The following COMMD10 variants were observed in gnomAD, a reference collection of about 807,000 sequenced individuals.
COMMD10 encodes COMM domain-containing protein 10.
Under a neutral mutation model 28.9 loss-of-function variants are expected in COMMD10, and 33 were observed. The observed-to-expected ratio is 1.14, with a 90% CI of 0.87 to 1.53. The LOEUF (loss-of-function observed/expected upper bound fraction) is 1.53. Ranked by LOEUF, COMMD10 falls within the 40% of genes most tolerant of loss-of-function variation. The probability of loss-of-function intolerance (pLI) is 0.00; values close to 1 mark genes in which losing one functional copy is unlikely to be tolerated. For missense variants in COMMD10, 310 were observed against 233.4 expected (o/e 1.33, Z -2.14); for synonymous variants, 110 against 81.7 (o/e 1.35, Z -1.87).
At chr5:116,177,612 A>G (rs999342626) in intron 5 of COMMD10, among the ~76,000 whole-genome samples, 2 of 150,364 alleles carry the variant, frequency 1.3e-5, no homozygotes, top group Non-Finnish European at 3.0e-5. Flanking sequence ...CCACTTTCCC[A>G]TAGTCATCCT....
At chr5:116,122,547 A>G (rs751509321) in intron 4 of COMMD10, among the ~76,000 whole-genome samples, 9 of 152,220 alleles carry the variant, frequency 5.9e-5, no homozygotes, top group Non-Finnish European at 1.0e-4. Flanking sequence ...TGGGGATGGC[A>G]TTGAATCTAT....
chr5:116,215,706 ATATATATATATATATATATATATATG>A (rs1367909988), intron 5 of COMMD10, among the ~76,000 whole-genome samples: 9 of 71,272 alleles, frequency 1.3e-4, no homozygotes, highest in African/African-American at 2.3e-4. Context: ...ATATATATAT[ATATATATATATATATATATATATATG>A]TATATATAAT....
intron 5 of COMMD10, among the ~76,000 whole-genome samples, chr5:116,275,241 G>C (rs895136887): frequency 6.6e-6 from 1 of 151,834 alleles, no homozygotes; most frequent in Non-Finnish European, 1.5e-5. Flanking sequence ...GTTATAGTCT[G>C]TTGCTTCTAT....
chr5:116,107,617 G>A (rs1580450059), intron 4 of COMMD10, among the ~76,000 whole-genome samples: 1 of 151,934 alleles, frequency 6.6e-6, no homozygotes, highest in Non-Finnish European at 1.5e-5. Context: ...CTTGCATTGG[G>A]TTAGAACATG....
chr5:116,268,572 A>T (rs1159837470), intron 5 of COMMD10, among the ~76,000 whole-genome samples: 2 of 151,890 alleles, frequency 1.3e-5, no homozygotes, highest in East Asian at 1.9e-4. Flanking sequence ...AACTAGAAAT[A>T]CCATTTGACC....
rs550536127 is a variant in COMMD10, at chr5:116,130,373, G to A, written c.400-3695G>A. On this transcript the variant is annotated intron_variant, in intron 4 of 6. Coordinates refer to ENST00000274458, the MANE Select transcript of COMMD10 (RefSeq NM_016144.4). ...CTAAGAAAATAAAGTGAGGCAAGTA[G>A]TGACACAGTTCACTTATTAGTTTTC... 3.3e-5 allele frequency among the ~76,000 whole-genome samples: 5 copies of A among 152,018 alleles called. No homozygotes were observed. In the South Asian group the frequency reaches 1.0e-3, roughly 32 times the overall value.
chr5:116,088,060 G>T (rs1407979436), intron 2 of COMMD10, among the ~76,000 whole-genome samples: 2 of 152,112 alleles, frequency 1.3e-5, no homozygotes, highest in African/African-American at 4.8e-5. Context: ...TTAAGGATAT[G>T]GTTGTTTTGG....
chr5:116,125,790 T>A (rs1751608849), intron 4 of COMMD10, among the ~76,000 whole-genome samples: 1 of 152,048 alleles, frequency 6.6e-6, no homozygotes, highest in Non-Finnish European at 1.5e-5. Flanking sequence ...TTCATTTCAT[T>A]CATTTGATCG....
chr5:116,085,152 G>A lies in COMMD10; in HGVS notation c.41+59G>A. On this transcript the variant is annotated intron_variant, in intron 1 of 6. Transcript: ENST00000274458. ...GCCCAGGAAGGCCCAGATCGGGCTC[G>A]CACAAGGCTGTCCTTGCTGCCTGCC... The A allele has an allele frequency of 7.4e-6, 10 of 1,347,758 alleles. No individual in the cohort carries two copies. The South Asian group carries it at 1.2e-4, about 16-fold the overall frequency. 83.5% of individuals were successfully genotyped at this position (1,347,758 alleles called of 1,614,324 possible).
At chr5:116,113,301 G>A (rs1291569834) in intron 4 of COMMD10, among the ~76,000 whole-genome samples, 1 of 147,338 alleles carries the variant, frequency 6.8e-6, no homozygotes, top group African/African-American at 2.6e-5. Flanking sequence ...TCCCTTTTAT[G>A]TTGTATTTGC....
At chr5:116,238,836 C>T (rs1749743323) in intron 5 of COMMD10, among the ~76,000 whole-genome samples, 1 of 152,170 alleles carries the variant, frequency 6.6e-6, no homozygotes, top group Non-Finnish European at 1.5e-5. Flanking sequence ...ATACATACAT[C>T]AGTAATTGTT....
intron 5 of COMMD10, among the ~76,000 whole-genome samples, chr5:116,270,702 C>T (rs1008389007): frequency 3.3e-5 from 5 of 151,546 alleles, no homozygotes; most frequent in East Asian, 3.9e-4. Context: ...TTTGGGAGGC[C>T]GAGGTGGATG....
chr5:116,223,356 G>C (rs1173529749), intron 5 of COMMD10, among the ~76,000 whole-genome samples: 4 of 125,252 alleles, frequency 3.2e-5, no homozygotes, highest in African/African-American at 1.7e-4. Context: ...GTAATATGTG[G>C]AACAAAAAAA....
At chr5:116,258,267 C>T (rs530558710) in intron 5 of COMMD10, among the ~76,000 whole-genome samples, 1 of 151,806 alleles carries the variant, frequency 6.6e-6, no homozygotes, top group Non-Finnish European at 1.5e-5. Context: ...ATCTATTCCT[C>T]CCCTAGATAA....
chr5:116,232,496 A>C (rs17139224), intron 5 of COMMD10, among the ~76,000 whole-genome samples: 11,098 of 152,154 alleles, frequency 0.073, 479 homozygotes, highest in Admixed American at 0.13. Flanking sequence ...GAAATAACAA[A>C]GATCAACCAG....
chr5:116,171,850 AT>A (rs1207347104), intron 5 of COMMD10, among the ~76,000 whole-genome samples: 9 of 152,098 alleles, frequency 5.9e-5, no homozygotes, highest in African/African-American at 2.2e-4. Flanking sequence ...TAGGGGAGGG[AT>A]AACATTAGGA....
At chr5:116,220,751 C>T (rs1350410444) in intron 5 of COMMD10, among the ~76,000 whole-genome samples, 2 of 152,080 alleles carry the variant, frequency 1.3e-5, no homozygotes, top group African/African-American at 2.4e-5. Flanking sequence ...TTTCAAACAA[C>T]AAATAATAAC....
chr5:116,242,612 A>G (rs1749842445), intron 5 of COMMD10, among the ~76,000 whole-genome samples: 1 of 152,200 alleles, frequency 6.6e-6, no homozygotes. Flanking sequence ...TATGTCCTTA[A>G]CAAGTACTTT....
intron 5 of COMMD10, among the ~76,000 whole-genome samples, chr5:116,155,719 G>T (rs1164305793): frequency 6.6e-6 from 1 of 151,878 alleles, no homozygotes; most frequent in Non-Finnish European, 1.5e-5. Flanking sequence ...ATTGCTTTCA[G>T]CCAAATTATT....
Sources: allele counts gnomAD v4.1 joint callset (sites outside exome capture counted in the v4.1 genomes callset), GRCh38; gene constraint gnomAD v4.1.1; transcripts MANE v1.5; gene names NCBI Gene and HGNC (gene_info 2026-07-23, HGNC 2026-07-21).